Variants in GPATCH8 observed in about 807,000 individuals in gnomAD.
GPATCH8 encodes G-patch domain containing 8.
GPATCH8 carries 18 observed loss-of-function variants against 118.3 expected under a neutral mutation model. The observed-to-expected ratio is 0.15, with a 90% confidence interval of 0.11 to 0.23. The LOEUF is 0.23. GPATCH8 is among the 10% of genes least tolerant of loss of function. GPATCH8 has a pLI of 1.00. For synonymous variants in GPATCH8, 659 were observed against 684.7 expected, an observed-to-expected ratio of 0.96 and a Z score of 0.59; for missense variants, 1,631 against 1,873.8, an observed-to-expected ratio of 0.87 and a Z score of 2.39.
intron 5 of GPATCH8, among the ~76,000 whole-genome samples, chr17:44,432,047 GTT>G (rs762963401): frequency 2.6e-4 from 35 of 135,972 alleles, no homozygotes; most frequent in Non-Finnish European, 2.7e-4. Flanking sequence ...ATCAGAGTGG[GTT>G]TTTTTTTTTT....
intron 2 of GPATCH8, among the ~76,000 whole-genome samples, chr17:44,467,643 G>A (rs761278769): frequency 3.3e-5 from 5 of 152,040 alleles, no homozygotes; most frequent in Non-Finnish European, 7.4e-5. Context: ...GACCAACACA[G>A]AAAAACTGGA....
intron 3 of GPATCH8, among the ~76,000 whole-genome samples, chr17:44,440,775 G>A (rs1427289396): frequency 1.3e-5 from 2 of 152,180 alleles, no homozygotes; most frequent in Non-Finnish European, 2.9e-5. Flanking sequence ...TTTTAAAATG[G>A]TTAAGGTTAC....
chr17:44,462,987 TA>T (rs2051620837), intron 3 of GPATCH8, among the ~76,000 whole-genome samples: 1 of 24,194 alleles, frequency 4.1e-5, no homozygotes, highest in South Asian at 6.6e-4. Flanking sequence ...CTTCAAAATA[TA>T]AATAAATAAA....
chr17:44,434,013 T>C lies in GPATCH8; in HGVS notation c.348+1052A>G, dbSNP rs572315742. 2.0e-5 allele frequency among the ~76,000 whole-genome samples: 3 copies of C among 151,876 alleles called. 1 individual carries two copies. The highest frequency in any genetic ancestry group is 7.2e-5 in the African/African-American group (3 of 41,398). ...AAAATTAGCTGGCCGTGGTGGCTCA[T>C]ACCTGTAGTCCCAGCTACTCGGAGG... On this transcript the variant is annotated intron_variant, in intron 5 of 7. Transcript: ENST00000591680.
At position 44,479,006 on chromosome 17, in the gene GPATCH8, T is replaced by C. The variant is rs185682260; in HGVS notation, c.46-4103A>G. ...GATTACAGGCCTAAGCCATCAAGCC[T>C]GGCCTAGAGTACTTAATTTAGGACA... On this transcript the variant is annotated intron_variant, in intron 1 of 7. Coordinates refer to ENST00000591680, the MANE Select transcript of GPATCH8 (RefSeq NM_001002909.4). Among the ~76,000 whole-genome samples the C allele has an allele frequency of 1.6e-4, 25 of 152,318 alleles. No homozygotes were observed. In the East Asian group the frequency reaches 4.3e-3, roughly 26 times the overall value.
chr17:44,499,911 A>C (rs1644210946), intron 1 of GPATCH8, among the ~76,000 whole-genome samples: 2 of 152,064 alleles, frequency 1.3e-5, no homozygotes, highest in South Asian at 2.1e-4. Flanking sequence ...AAAAAAAAAA[A>C]AACACTTAAA....
intron 1 of GPATCH8, among the ~76,000 whole-genome samples, chr17:44,496,117 C>T (rs888293594): frequency 4.4e-4 from 67 of 152,280 alleles, no homozygotes; most frequent in African/African-American, 1.5e-3. Context: ...GATCCACCTG[C>T]CCTCAGCCTC....
At position 44,399,707 on chromosome 17, in the gene GPATCH8, A is replaced by T; in HGVS notation, c.2370T>A (p.Leu790=). The T allele has an allele frequency of 6.2e-7, 1 of 1,613,978 alleles. No individual in the cohort carries two copies. The highest frequency in any genetic ancestry group is 8.5e-7 in the Non-Finnish European group (1 of 1,179,958). ...CTCTTCGCTGGCAGGATGAAGGTGG[A>T]AGTTCACCTTTGTGTTTCCTCCCAC... is the stretch of plus-strand genomic sequence containing the variant. ...DHGGRKHKGE[L]PPSSCQRRAG... Residue 790 remains leucine, a synonymous_variant, in exon 8 of 8, where the codon CTT becomes CTA. Transcript: ENST00000591680.
In GPATCH8 at chr17:44,483,179, ATATATATATATATAT is replaced by A. The variant is rs1968455975; in HGVS notation, c.46-8291_46-8277del. Reference sequence around the variant, plus strand: ...CAAAAAAAAAAAAAAAAAAAAAAATATATATATATATATATATATATATATATATATATATATACA... The same window carrying A: ...CAAAAAAAAAAAAAAAAAAAAAAATAATATATATATATATATATATATACA... On this transcript the variant is annotated intron_variant, in intron 1 of 7. Coordinates refer to ENST00000591680, the MANE Select transcript of GPATCH8 (RefSeq NM_001002909.4). Among the ~76,000 whole-genome samples, 28 of 20,002 alleles carry A rather than the reference ATATATATATATATAT, an allele frequency of 1.4e-3. 2 individuals are homozygous for A. Among genetic ancestry groups the A allele is most frequent in the African/African-American group, 3.0e-3 (13 of 4,372 alleles). The allele number at this position is 20,002 out of a possible 152,430, so 13.1% of individuals were successfully genotyped here. A position where few individuals can be genotyped will look rare whatever the true frequency, so the allele number is the denominator to read the frequency against.
chr17:44,446,866 ACT>A (rs1247265470), intron 3 of GPATCH8, among the ~76,000 whole-genome samples: 1 of 151,358 alleles, frequency 6.6e-6, no homozygotes, highest in Non-Finnish European at 1.5e-5. Context: ...ACTGAGTCTC[ACT>A]CTGTCACCCA....
intron 1 of GPATCH8, among the ~76,000 whole-genome samples, chr17:44,484,580 C>A (rs1170249678): frequency 6.6e-6 from 1 of 152,088 alleles, no homozygotes; most frequent in African/African-American, 2.4e-5. Flanking sequence ...AACTCTGACA[C>A]ATTATTATTA....
chr17:44,402,149 G>A (rs1185801910), intron 7 of GPATCH8, among the ~76,000 whole-genome samples: 2 of 151,328 alleles, frequency 1.3e-5, no homozygotes, highest in South Asian at 2.1e-4. Flanking sequence ...GTGAAACCCC[G>A]CCTCTGCTAA....
At chr17:44,459,817 T>C (rs935058983) in intron 3 of GPATCH8, among the ~76,000 whole-genome samples, 14 of 152,176 alleles carry the variant, frequency 9.2e-5, no homozygotes, top group African/African-American at 2.9e-4. Flanking sequence ...TCTTAGGGTA[T>C]TTACTGCTGG....
intron 5 of GPATCH8, among the ~76,000 whole-genome samples, chr17:44,430,799 C>T (rs921703421): frequency 3.5e-5 from 5 of 141,402 alleles, no homozygotes; most frequent in South Asian, 4.6e-4. Context: ...CACAACACCA[C>T]GCCCAGCTTT....
Position 44,396,747 on chromosome 17 carries a change from G to T in GPATCH8, c.*821C>A, listed in dbSNP as rs768592358. The T allele has an allele frequency of 2.2e-6, 1 of 452,486 alleles. No individual in the cohort carries two copies. Among genetic ancestry groups the T allele is most frequent in the Non-Finnish European group, 4.4e-6 (1 of 226,436 alleles). 28.0% of individuals were successfully genotyped at this position (452,486 alleles called of 1,614,324 possible). A position where few individuals can be genotyped will look rare whatever the true frequency, so the allele number is the denominator to read the frequency against. On this transcript the variant is annotated 3_prime_UTR_variant, in exon 8 of 8. Transcript: ENST00000591680. ...ATGAGCTACAAAAAGCAGCATTTACGTTTATAGAGTTCAGTGCAATTTTTT... is the reference window on the plus strand; with the variant it reads ...ATGAGCTACAAAAAGCAGCATTTACTTTTATAGAGTTCAGTGCAATTTTTT...
chr17:44,410,101 T>G (rs879840376), intron 6 of GPATCH8, among the ~76,000 whole-genome samples: 1 of 152,216 alleles, frequency 6.6e-6, no homozygotes, highest in Non-Finnish European at 1.5e-5. Context: ...CAGAAACTTC[T>G]CAGCTTCCTA....
rs61739492 is a variant in GPATCH8 at position 44,398,920 on chromosome 17, C to T, written c.3157G>A (p.Gly1053Ser). ...GTTGCTTTACTGTCATCTCCTCTGC[C>T]ATCATCTTTCTTCCCAGGACCTTCT... ...RGEGPGKKDDGRGDDSKATGP... is the reference protein window; with the variant it reads ...RGEGPGKKDDSRGDDSKATGP... The change falls in exon 8 of 8, where the codon GGC (glycine) becomes AGC (serine). Residue 1053 changes from glycine (G) to serine (S), a missense_variant. This residue lies in a region of GPATCH8 where 922 missense variants were observed against 879.7 expected (regional missense o/e 1.05). Transcript: ENST00000591680. 427 of 1,614,166 alleles carry T rather than the reference C, an allele frequency of 2.6e-4. No individual in the cohort carries two copies. In the African/African-American group the frequency reaches 4.6e-3, roughly 17 times the overall value.
intron 6 of GPATCH8, among the ~76,000 whole-genome samples, chr17:44,422,115 C>T (rs1274660971): frequency 6.6e-6 from 1 of 152,094 alleles, no homozygotes; most frequent in Admixed American, 6.5e-5. Flanking sequence ...TCAAGAACCC[C>T]AAAACTTGAG....
chr17:44,398,330 A>C lies in GPATCH8; in HGVS notation c.3747T>G (p.Asp1249Glu). 1 of 1,614,060 alleles carries C rather than the reference A, an allele frequency of 6.2e-7. No homozygotes were observed. Among genetic ancestry groups the C allele is most frequent in the South Asian group, 1.1e-5 (1 of 91,082 alleles). The change falls in exon 8 of 8, where the codon GAT becomes GAG. Residue 1249 changes from aspartate to glutamate, a missense_variant. Coordinates refer to ENST00000591680, the MANE Select transcript of GPATCH8 (RefSeq NM_001002909.4). ...ISHNYLPDPS[D>E]GDTLESLDSS... ...TATCCAGGGACTCCAGGGTGTCCCC[A>C]TCACTGGGGTCGGGGAGGTAGTTAT...
Sources: gnomAD v4.1 joint callset for allele counts (sites outside exome capture counted in the v4.1 genomes callset) on GRCh38, gnomAD v4.1.1 for gene constraint, gnomAD v4.1.1 regional missense constraint, MANE v1.5 for transcripts, NCBI Gene and HGNC (gene_info 2026-07-23, HGNC 2026-07-21) for gene names.